SNTG1: variants seen among roughly 807,000 people sequenced by gnomAD.
The protein encoded by SNTG1 is syntrophin gamma 1.
Under a neutral mutation model 74.7 loss-of-function variants are expected in SNTG1, and 39 were observed. The observed-to-expected ratio is 0.52, with a 90% CI of 0.40 to 0.68. The LOEUF is 0.68. Among genes scored for constraint, SNTG1 ranks in the 30% least tolerant of loss-of-function variants. The pLI is 0.00. For synonymous variants in SNTG1, 254 were observed against 217.1 expected (o/e 1.17, Z -1.49); for missense variants, 685 against 609.5 (o/e 1.12, Z -1.30).
At chr8:49,944,682 A>ACTAAC (rs1809006212) in intron 1 of SNTG1, among the ~76,000 whole-genome samples, 1 of 151,746 alleles carries the variant, frequency 6.6e-6, no homozygotes, top group Admixed American at 6.6e-5. Context: ...TACATGTGTA[A>ACTAAC]CTAACCTGCA....
chr8:50,758,873 T>G (rs533114286), intron 18 of SNTG1, among the ~76,000 whole-genome samples: 1 of 152,252 alleles, frequency 6.6e-6, no homozygotes, highest in South Asian at 2.1e-4. Flanking sequence ...TATTTCTGGT[T>G]CTAGAGCCTT....
intron 18 of SNTG1, among the ~76,000 whole-genome samples, chr8:50,760,357 C>G (rs2095594864): frequency 6.6e-6 from 1 of 151,990 alleles, no homozygotes; most frequent in Non-Finnish European, 1.5e-5. Flanking sequence ...ATTGCCTGGT[C>G]AGAACTTCCA....
intron 10 of SNTG1, among the ~76,000 whole-genome samples, chr8:50,531,901 G>A (rs2094271532): frequency 6.6e-6 from 1 of 152,148 alleles, no homozygotes; most frequent in African/African-American, 2.4e-5. Flanking sequence ...CAGAGTGGCA[G>A]GTCTAAGGGT....
intron 1 of SNTG1, among the ~76,000 whole-genome samples, chr8:50,163,147 C>A (rs1329009254): frequency 6.6e-6 from 1 of 152,172 alleles, no homozygotes; most frequent in East Asian, 1.9e-4. Flanking sequence ...CCTTTCTGGT[C>A]TCTCTGTAGA....
chr8:50,770,821 G>A (rs2095625226), intron 18 of SNTG1, among the ~76,000 whole-genome samples: 1 of 151,990 alleles, frequency 6.6e-6, no homozygotes, highest in Admixed American at 6.6e-5. Flanking sequence ...AACAAGTCTG[G>A]CTTCACAGGT....
intron 15 of SNTG1, among the ~76,000 whole-genome samples, chr8:50,690,745 C>T (rs1417716535): frequency 5.3e-5 from 8 of 152,140 alleles, no homozygotes; most frequent in Non-Finnish European, 7.3e-5. Flanking sequence ...GTGGCAAGTT[C>T]TGCAGATGTC....
chr8:50,055,103 C>G (rs1819913598), intron 1 of SNTG1, among the ~76,000 whole-genome samples: 7 of 152,120 alleles, frequency 4.6e-5, no homozygotes, highest in Admixed American at 4.6e-4. Flanking sequence ...TTCAGACTCA[C>G]TCTTTCCCAC....
intron 2 of SNTG1, among the ~76,000 whole-genome samples, chr8:50,208,447 T>TA (rs1344763242): frequency 6.6e-6 from 1 of 152,204 alleles, no homozygotes; most frequent in South Asian, 2.1e-4. Context: ...TTTGAGCTTT[T>TA]ATGTGTCTCT....
chr8:50,769,079 A>G (rs911356212), intron 18 of SNTG1, among the ~76,000 whole-genome samples: 2 of 151,708 alleles, frequency 1.3e-5, no homozygotes, highest in African/African-American at 4.8e-5. Context: ...TTCTCCTTGC[A>G]TATAATTTAT....
intron 13 of SNTG1, among the ~76,000 whole-genome samples, chr8:50,617,386 A>T (rs201438877): frequency 0.078 from 11,753 of 150,898 alleles, 1,039 homozygotes; most frequent in African/African-American, 0.2. Context: ...TTTCACACAC[A>T]CACACACACA....
chr8:50,244,820 C>T (rs924672514), intron 2 of SNTG1, among the ~76,000 whole-genome samples: 7 of 152,120 alleles, frequency 4.6e-5, no homozygotes, highest in South Asian at 4.1e-4. Context: ...ATATGCTTGG[C>T]GATCACAGAA....
chr8:50,650,938 T>C (rs1202242507), intron 13 of SNTG1, among the ~76,000 whole-genome samples: 2 of 152,138 alleles, frequency 1.3e-5, no homozygotes, highest in Non-Finnish European at 2.9e-5. Flanking sequence ...TGACCTCAAG[T>C]GATCTACCCA....
chr8:50,305,707 A>C (rs1283325764), intron 2 of SNTG1, among the ~76,000 whole-genome samples: 1 of 151,932 alleles, frequency 6.6e-6, no homozygotes, highest in Non-Finnish European at 1.5e-5. Context: ...TATCTAAAAA[A>C]TTGATGTAAG....
At chr8:50,632,770 A>G (rs2095010869) in intron 13 of SNTG1, among the ~76,000 whole-genome samples, 1 of 152,228 alleles carries the variant, frequency 6.6e-6, no homozygotes, top group South Asian at 2.1e-4. Context: ...AATTCTGAAG[A>G]CTGTTATATT....
At chr8:50,743,467 A>G (rs1357641388) in intron 17 of SNTG1, among the ~76,000 whole-genome samples, 1 of 151,948 alleles carries the variant, frequency 6.6e-6, no homozygotes, top group Non-Finnish European at 1.5e-5. Context: ...ACCTTTAACA[A>G]AAAAACTTAA....
chr8:50,101,847 A>T (rs375403354), intron 1 of SNTG1, among the ~76,000 whole-genome samples: 5 of 151,914 alleles, frequency 3.3e-5, no homozygotes, highest in Non-Finnish European at 5.9e-5. Flanking sequence ...CTGAGAATGA[A>T]GATTTCCAAT....
At chr8:50,728,862 C>G (rs773831406) in intron 17 of SNTG1, among the ~76,000 whole-genome samples, 8 of 152,146 alleles carry the variant, frequency 5.3e-5, no homozygotes, top group Non-Finnish European at 7.4e-5. Context: ...ATGAATCACC[C>G]ATATTCTTAT....
chr8:49,977,427 G>T (rs1812297174), intron 1 of SNTG1, among the ~76,000 whole-genome samples: 1 of 152,158 alleles, frequency 6.6e-6, no homozygotes, highest in African/African-American at 2.4e-5. Flanking sequence ...CCAGAGACCT[G>T]TGCAAGGTCA....
intron 4 of SNTG1, among the ~76,000 whole-genome samples, chr8:50,434,065 G>C (rs1456744306): frequency 8.7e-6 from 1 of 115,164 alleles, no homozygotes; most frequent in Non-Finnish European, 1.7e-5. Flanking sequence ...ACAGTCCCCA[G>C]TGTGTGATGT....
Sources: allele counts gnomAD v4.1 joint callset (sites outside exome capture counted in the v4.1 genomes callset), GRCh38; gene constraint gnomAD v4.1.1; transcripts MANE v1.5; gene names NCBI Gene and HGNC (gene_info 2026-07-23, HGNC 2026-07-21).